The following GOLM1 variants were observed in gnomAD, a reference collection of about 807,000 sequenced individuals.
GOLM1 encodes epididymis luminal protein 46.
In GOLM1, 31 loss-of-function variants were observed where a neutral mutation model predicts 50.5. The observed-to-expected ratio is 0.61, with a 90% confidence interval of 0.46 to 0.83. The LOEUF (loss-of-function observed/expected upper bound fraction) is 0.83, where lower values mean the gene tolerates loss of function less well. Ranked by LOEUF, GOLM1 falls within the 40% of genes least tolerant of loss-of-function variation. The pLI is 0.00. For missense variants in GOLM1, 491 were observed against 501.3 expected (o/e 0.98, Z 0.20); for synonymous variants, 178 against 192.8 (o/e 0.92, Z 0.64).
At chr9:86,095,581 A>G (rs1835335007) in intron 1 of GOLM1, among the ~76,000 whole-genome samples, 1 of 152,156 alleles carries the variant, frequency 6.6e-6, no homozygotes, top group African/African-American at 2.4e-5. Flanking sequence ...AAGAAAGTTA[A>G]AAGAATAATA....
Position 86,026,749 on chromosome 9 carries a change from A to G in GOLM1, c.*1068T>C. On this transcript the variant is annotated 3_prime_UTR_variant, in exon 10 of 10. Transcript: ENST00000388712. Reference sequence around the variant, plus strand: ...GCCATTGTTATTGTGAATTAGGATTAAGTAGTAATTTTCAAAATTCACATT... The same window carrying G: ...GCCATTGTTATTGTGAATTAGGATTGAGTAGTAATTTTCAAAATTCACATT... 1 of 983,026 alleles carries G rather than the reference A, an allele frequency of 1.0e-6. No individual in the cohort carries two copies. The highest frequency in any genetic ancestry group is 1.7e-5 in the African/African-American group (1 of 57,328). 60.9% of individuals were successfully genotyped at this position (983,026 alleles called of 1,614,324 possible).
At chr9:86,098,152 C>T (rs1835409643) in intron 1 of GOLM1, among the ~76,000 whole-genome samples, 1 of 152,268 alleles carries the variant, frequency 6.6e-6, no homozygotes, top group Admixed American at 6.5e-5. Flanking sequence ...TTTCTTTAAC[C>T]ATCCTAACAA....
At chr9:86,096,380 A>C (rs1343188131) in intron 1 of GOLM1, among the ~76,000 whole-genome samples, 1 of 152,204 alleles carries the variant, frequency 6.6e-6, no homozygotes, top group Non-Finnish European at 1.5e-5. Flanking sequence ...CAACATCTAA[A>C]ATAGTATCTG....
At chr9:86,090,873 AGGGCCCTGGT>A (rs1835163302) in intron 1 of GOLM1, among the ~76,000 whole-genome samples, 1 of 147,530 alleles carries the variant, frequency 6.8e-6, no homozygotes, top group African/African-American at 2.5e-5. Context: ...CTTGAAACCC[AGGGCCCTGGT>A]GGTGTAGGCA....
At chr9:86,067,763 G>A (rs1283878573) in intron 3 of GOLM1, among the ~76,000 whole-genome samples, 1 of 152,220 alleles carries the variant, frequency 6.6e-6, no homozygotes, top group Non-Finnish European at 1.5e-5. Flanking sequence ...AGCACTTTGG[G>A]AGGCCGAGGC....
In GOLM1 at chr9:86,026,710, A is replaced by C. The variant is rs1368240045; in HGVS notation, c.*1107T>G. 12 of 982,180 alleles carry C rather than the reference A, an allele frequency of 1.2e-5. No homozygotes were observed. Among genetic ancestry groups the C allele is most frequent in the Non-Finnish European group, 1.5e-5 (12 of 827,104 alleles). The allele number at this position is 982,180 out of a possible 1,614,324, so 60.8% of individuals were successfully genotyped here. A position where few individuals can be genotyped will look rare whatever the true frequency, so the allele number is the denominator to read the frequency against. On this transcript the variant is annotated 3_prime_UTR_variant, in exon 10 of 10. Transcript: ENST00000388712. ...ATAAATAATACTAAGAACCAACTCAAGTCAAACCTTAATGCCATTGTTATT... is the reference window on the plus strand; with the variant it reads ...ATAAATAATACTAAGAACCAACTCACGTCAAACCTTAATGCCATTGTTATT...
At chr9:86,088,566 G>GGTTTT (rs1326663513) in intron 1 of GOLM1, among the ~76,000 whole-genome samples, 6 of 71,136 alleles carry the variant, frequency 8.4e-5, no homozygotes, top group African/African-American at 7.8e-4. Flanking sequence ...TGCAACTCCT[G>GGTTTT]GTTTTGTTTT....
intron 1 of GOLM1, among the ~76,000 whole-genome samples, chr9:86,087,016 G>A (rs184735280): frequency 1.1e-3 from 174 of 152,274 alleles, no homozygotes; most frequent in Non-Finnish European, 2.1e-3. Flanking sequence ...GATGGCGATA[G>A]CATTGAATCT....
At chr9:86,042,103 C>G (rs143440080) in intron 5 of GOLM1, among the ~76,000 whole-genome samples, 1 of 152,066 alleles carries the variant, frequency 6.6e-6, no homozygotes, top group South Asian at 2.1e-4. Context: ...GGCGACAGAG[C>G]GAGACTCCGT....
chr9:86,079,234 G>GCCCAAGA lies in GOLM1; in HGVS notation c.80_86dup (p.Phe30LeufsTer55), dbSNP rs1313015695. On this transcript the variant is annotated frameshift_variant, in exon 2 of 10. Transcript: ENST00000388712. LOFTEE classifies it high-confidence loss of function. ...GGGAGCTCGCAATCCAGTAGTTGAA[G>GCCCAAGA]CCCAAGACGATGATGCAGGCCACCA... 1 of 1,609,462 alleles carries GCCCAAGA rather than the reference G, an allele frequency of 6.2e-7. No homozygotes were observed. The highest frequency in any genetic ancestry group is 1.7e-5 in the Admixed American group (1 of 59,542).
chr9:86,086,967 A>G (rs1014728936), intron 1 of GOLM1, among the ~76,000 whole-genome samples: 6 of 152,158 alleles, frequency 3.9e-5, no homozygotes, highest in Non-Finnish European at 1.5e-5. Flanking sequence ...ACTTTAAAGT[A>G]GTTTTTTCCA....
chr9:86,056,549 AG>A (rs1401802313), intron 3 of GOLM1, among the ~76,000 whole-genome samples: 2 of 143,666 alleles, frequency 1.4e-5, no homozygotes, highest in South Asian at 2.2e-4. Context: ...CCTGTCGCCC[AG>A]GCTGGAATGC....
At chr9:86,092,048 T>C (rs973110297) in intron 1 of GOLM1, among the ~76,000 whole-genome samples, 3 of 151,926 alleles carry the variant, frequency 2.0e-5, no homozygotes, top group Non-Finnish European at 4.4e-5. Flanking sequence ...TGACACTGGC[T>C]CCACCACTCA....
chr9:86,077,638 A>G (rs1460480978), intron 2 of GOLM1, 47 bp from the exon 3 acceptor site: 4 of 1,437,538 alleles, frequency 2.8e-6, no homozygotes, highest in South Asian at 1.2e-5. Flanking sequence ...TTACCTGAGG[A>G]GCCTGGACCA....
chr9:86,099,634 G>A (rs1057131425), upstream of GOLM1: 3 of 149,526 alleles, frequency 2.0e-5, no homozygotes, highest in Admixed American at 6.6e-5. Context: ...CGCGAGCGCG[G>A]AGAAGCGAGG....
chr9:86,083,812 G>A (rs984023509), intron 1 of GOLM1, among the ~76,000 whole-genome samples: 3 of 152,152 alleles, frequency 2.0e-5, no homozygotes, highest in Non-Finnish European at 4.4e-5. Flanking sequence ...ATCCAAAACG[G>A]TCTCTAAAAA....
In GOLM1 at chr9:86,077,395, A is replaced by G. The variant is rs1834651256; in HGVS notation, c.309+17T>C. 6.2e-7 allele frequency: 1 copy of G among 1,606,716 alleles called. No individual in the cohort carries two copies. The highest frequency in any genetic ancestry group is 1.1e-5 in the South Asian group (1 of 90,906). On this transcript the variant is annotated intron_variant, in intron 3 of 9. Coordinates refer to ENST00000388712, the MANE Select transcript of GOLM1 (RefSeq NM_016548.4). ...ATCCCTTAGAAAAGAACTGAGAGGA[A>G]ACAAAGCAGGCCTTGCCTTTTCGTC...
chr9:86,079,446 C>CTACCAGCCCACGCTTCTT, intron 1 of GOLM1, 105 bp from the exon 2 acceptor site: 4 of 901,828 alleles, frequency 4.4e-6, no homozygotes, highest in South Asian at 2.0e-5. Context: ...TGCCAAGAAG[C>CTACCAGCCCACGCTTCTT]GTGGGCTGGT....
In GOLM1 at chr9:86,026,866, A is replaced by G; in HGVS notation, c.*951T>C. On this transcript the variant is annotated 3_prime_UTR_variant, in exon 10 of 10. Transcript: ENST00000388712. ...ACAACCATTGTATTCCTGTTTTTCT[A>G]AACAGTCCTAATTTCTAACACTGTA... The G allele has an allele frequency of 1.2e-5, 12 of 983,608 alleles. No homozygotes were observed. Among genetic ancestry groups the G allele is most frequent in the Non-Finnish European group, 1.4e-5 (12 of 828,298 alleles). 60.9% of individuals were successfully genotyped at this position (983,608 alleles called of 1,614,324 possible).
Sources: allele counts gnomAD v4.1 joint callset (sites outside exome capture counted in the v4.1 genomes callset), GRCh38; gene constraint gnomAD v4.1.1; transcripts MANE v1.5; gene names NCBI Gene and HGNC (gene_info 2026-07-23, HGNC 2026-07-21).